Variants in KCNH8 observed in about 807,000 individuals in gnomAD.
The protein encoded by KCNH8 is voltage-gated delayed rectifier potassium channel KCNH8.
In KCNH8, 70 loss-of-function variants were observed where a neutral mutation model predicts 103.6. That is an observed-to-expected ratio of 0.68 (90% CI 0.56 to 0.82). The LOEUF (loss-of-function observed/expected upper bound fraction) is 0.82, where lower values mean the gene tolerates loss of function less well. Among genes scored for constraint, KCNH8 ranks in the 40% least tolerant of loss-of-function variants. The pLI, the probability that KCNH8 is intolerant of heterozygous loss-of-function variation, is 0.00. For synonymous variants in KCNH8, 498 were observed against 489.4 expected (o/e 1.02, Z -0.23); for missense variants, 1,217 against 1,329.9 (o/e 0.92, Z 1.32).
intron 3 of KCNH8, among the ~76,000 whole-genome samples, chr3:19,323,924 C>T (rs948333532): frequency 1.3e-5 from 2 of 152,110 alleles, no homozygotes; most frequent in African/African-American, 4.8e-5. Context: ...CTGAAGTGGA[C>T]CCTGTGAAGG....
At chr3:19,510,491 T>G (rs527439629) in intron 12 of KCNH8, 90 bp downstream of exon 12, 59 of 853,648 alleles carry the variant, frequency 6.9e-5, no homozygotes, top group Admixed American at 1.7e-4. Context: ...GAATTTCATG[T>G]ATTTATCTTT....
intron 1 of KCNH8, among the ~76,000 whole-genome samples, chr3:19,192,735 A>G (rs904917090): frequency 6.6e-6 from 1 of 151,588 alleles, no homozygotes; most frequent in Non-Finnish European, 1.5e-5. Context: ...ATTTCGAGTA[A>G]CTGATTATAT....
chr3:19,363,252 T>G (rs1156998915), intron 5 of KCNH8, among the ~76,000 whole-genome samples: 1 of 152,198 alleles, frequency 6.6e-6, no homozygotes, highest in Non-Finnish European at 1.5e-5. Context: ...CTGACATGCA[T>G]TGAATGATGT....
intron 5 of KCNH8, among the ~76,000 whole-genome samples, chr3:19,361,832 A>T (rs1392107535): frequency 2.0e-5 from 3 of 152,236 alleles, no homozygotes; most frequent in Non-Finnish European, 4.4e-5. Flanking sequence ...CAGAATCTTT[A>T]TTTCTGAACA....
At chr3:19,516,720 C>T (rs1179074367) in intron 14 of KCNH8, among the ~76,000 whole-genome samples, 3 of 151,944 alleles carry the variant, frequency 2.0e-5, no homozygotes, top group African/African-American at 4.8e-5. Flanking sequence ...TTTCTAGAAG[C>T]AACTTCCAAA....
At chr3:19,339,283 T>A (rs2065626395) in intron 3 of KCNH8, among the ~76,000 whole-genome samples, 1 of 151,658 alleles carries the variant, frequency 6.6e-6, no homozygotes, top group Non-Finnish European at 1.5e-5. Context: ...GCTTATTGAC[T>A]GTTGTAAATA....
intron 8 of KCNH8, among the ~76,000 whole-genome samples, chr3:19,441,543 T>C (rs2067284488): frequency 6.6e-6 from 1 of 152,222 alleles, no homozygotes. Context: ...TTAGTAAAGA[T>C]GCAAGGTTTG....
chr3:19,418,735 A>G (rs1301887130), intron 7 of KCNH8, among the ~76,000 whole-genome samples: 1 of 152,226 alleles, frequency 6.6e-6, no homozygotes, highest in Non-Finnish European at 1.5e-5. Context: ...CTTGATTGAT[A>G]TAATAATTTA....
chr3:19,394,771 A>G (rs1575010825), intron 6 of KCNH8, among the ~76,000 whole-genome samples: 1 of 152,070 alleles, frequency 6.6e-6, no homozygotes, highest in African/African-American at 2.4e-5. Flanking sequence ...GATTTGAGAT[A>G]TGTACAATTC....
chr3:19,353,097 T>C (rs1222350367), intron 5 of KCNH8, among the ~76,000 whole-genome samples: 1 of 152,102 alleles, frequency 6.6e-6, no homozygotes, highest in East Asian at 1.9e-4. Context: ...CAGAGAATAC[T>C]ATAAACACCT....
intron 1 of KCNH8, among the ~76,000 whole-genome samples, chr3:19,169,627 T>A (rs2063321571): frequency 2.6e-5 from 4 of 152,214 alleles, no homozygotes; most frequent in African/African-American, 9.6e-5. Context: ...GTTGACCGCA[T>A]CTGAAAATCC....
intron 8 of KCNH8, among the ~76,000 whole-genome samples, chr3:19,449,884 T>C (rs969162807): frequency 2.0e-5 from 3 of 152,002 alleles, no homozygotes; most frequent in Non-Finnish European, 4.4e-5. Context: ...TTAAAGATAT[T>C]TTTACTCTGA....
At chr3:19,447,555 G>A (rs1167031504) in intron 8 of KCNH8, among the ~76,000 whole-genome samples, 1 of 151,956 alleles carries the variant, frequency 6.6e-6, no homozygotes, top group Non-Finnish European at 1.5e-5. Flanking sequence ...CTCTGTACTC[G>A]ATTTAATCTC....
chr3:19,358,075 T>G (rs772510080), intron 5 of KCNH8, among the ~76,000 whole-genome samples: 30 of 151,860 alleles, frequency 2.0e-4, no homozygotes, highest in Non-Finnish European at 3.7e-4. Context: ...AAGTCAGATT[T>G]CTCAGCAACA....
intron 1 of KCNH8, among the ~76,000 whole-genome samples, chr3:19,194,670 T>C (rs1025985928): frequency 6.6e-6 from 1 of 151,816 alleles, no homozygotes; most frequent in Non-Finnish European, 1.5e-5. Flanking sequence ...AAACTACTTA[T>C]TGGGTACTAG....
At chr3:19,380,325 C>T (rs996342960) in intron 5 of KCNH8, among the ~76,000 whole-genome samples, 2 of 152,156 alleles carry the variant, frequency 1.3e-5, no homozygotes, top group Non-Finnish European at 2.9e-5. Flanking sequence ...TAATTGGTGA[C>T]TCTTTTGATA....
chr3:19,238,219 G>A (rs1480335983), intron 1 of KCNH8, among the ~76,000 whole-genome samples: 2 of 152,194 alleles, frequency 1.3e-5, no homozygotes, highest in African/African-American at 4.8e-5. Flanking sequence ...CTTTTGGATA[G>A]CCTTAGTTAC....
chr3:19,492,884 T>A (rs183288985), intron 11 of KCNH8, among the ~76,000 whole-genome samples: 36 of 108,656 alleles, frequency 3.3e-4, no homozygotes, highest in African/African-American at 8.8e-4. Flanking sequence ...TGTGTGTGTG[T>A]GATTTCTGAC....
chr3:19,307,821 C>T (rs1393846958), intron 3 of KCNH8, among the ~76,000 whole-genome samples: 1 of 151,578 alleles, frequency 6.6e-6, no homozygotes, highest in Non-Finnish European at 1.5e-5. Context: ...TGTTCTCACT[C>T]ATATATGGAA....
Sources: gnomAD v4.1 joint callset for allele counts (sites outside exome capture counted in the v4.1 genomes callset) on GRCh38, gnomAD v4.1.1 for gene constraint, MANE v1.5 for transcripts, NCBI Gene and HGNC (gene_info 2026-07-23, HGNC 2026-07-21) for gene names.